Variants in CNTN4 observed in about 807,000 individuals in gnomAD.
CNTN4 encodes the protein contactin 4.
Under a neutral mutation model 122.5 loss-of-function variants are expected in CNTN4, and 77 were observed. The observed-to-expected ratio is 0.63, with a 90% CI of 0.52 to 0.76. CNTN4 has a LOEUF of 0.76. Ranked by LOEUF, CNTN4 falls within the 30% of genes least tolerant of loss-of-function variation. The pLI is 0.00. For missense variants in CNTN4, 1,256 were observed against 1,259.1 expected (o/e 1.00, Z 0.04); for synonymous variants, 512 against 447.0 (o/e 1.15, Z -1.83).
At chr3:2,977,113 C>G (rs990591766) in intron 13 of CNTN4, among the ~76,000 whole-genome samples, 1 of 152,214 alleles carries the variant, frequency 6.6e-6, no homozygotes, top group African/African-American at 2.4e-5. Context: ...TCTACTCCTT[C>G]TACATTGTGA....
At chr3:2,145,287 C>G (rs1310157610) in intron 2 of CNTN4, among the ~76,000 whole-genome samples, 1 of 152,136 alleles carries the variant, frequency 6.6e-6, no homozygotes, top group Non-Finnish European at 1.5e-5. Context: ...ATAAAGCAGT[C>G]CACACATTTA....
intron 6 of CNTN4, among the ~76,000 whole-genome samples, chr3:2,781,977 C>A (rs1415638126): frequency 6.6e-6 from 1 of 151,370 alleles, no homozygotes; most frequent in Non-Finnish European, 1.5e-5. Flanking sequence ...CCCGCCTCGG[C>A]CTCCCAAAGT....
chr3:2,277,724 C>T (rs1559405782), intron 2 of CNTN4, among the ~76,000 whole-genome samples: 1 of 152,088 alleles, frequency 6.6e-6, no homozygotes, highest in Admixed American at 6.6e-5. Flanking sequence ...CCTGGTTTGT[C>T]CTTTTGTCAC....
intron 2 of CNTN4, among the ~76,000 whole-genome samples, chr3:2,164,068 A>G (rs1193973344): frequency 1.3e-5 from 2 of 152,170 alleles, no homozygotes; most frequent in Non-Finnish European, 2.9e-5. Context: ...CATGTTGGGT[A>G]CAATGTACAC....
intron 4 of CNTN4, among the ~76,000 whole-genome samples, chr3:2,701,736 T>C (rs77236211): frequency 0.039 from 5,992 of 152,216 alleles, 415 homozygotes; most frequent in African/African-American, 0.13. Context: ...ACTCTGAGCT[T>C]TAAGCCCTCA....
intron 2 of CNTN4, among the ~76,000 whole-genome samples, chr3:2,212,374 G>T (rs967098156): frequency 1.3e-5 from 2 of 152,142 alleles, no homozygotes; most frequent in East Asian, 3.9e-4. Flanking sequence ...CTGGGTAACT[G>T]ACAAAGGAAA....
rs139337672 is a variant in CNTN4 at position 2,967,299 on chromosome 3, A to G, written c.1359-21046A>G. On this transcript the variant is annotated intron_variant, in intron 13 of 24. Transcript: ENST00000418658. ...GGTGGACCCAGCTGATCCACTGAGT[A>G]CAGGGTGTGCAAAATATCTCAAGCA... Among the ~76,000 whole-genome samples, 364 of 152,274 alleles carry G rather than the reference A, an allele frequency of 2.4e-3. 3 individuals are homozygous for G. Among genetic ancestry groups the G allele is most frequent in the African/African-American group, 8.4e-3 (350 of 41,562 alleles).
chr3:2,854,976 A>G (rs1006236313), intron 7 of CNTN4, among the ~76,000 whole-genome samples: 1 of 152,232 alleles, frequency 6.6e-6, no homozygotes, highest in African/African-American at 2.4e-5. Flanking sequence ...TCTATTAATT[A>G]TGATTTGTCC....
intron 2 of CNTN4, among the ~76,000 whole-genome samples, chr3:2,142,110 T>G (rs1049904953): frequency 6.6e-6 from 1 of 152,224 alleles, no homozygotes; most frequent in African/African-American, 2.4e-5. Flanking sequence ...GGACACTGCT[T>G]TGGTTTAGCA....
chr3:2,306,894 T>A (rs925452306), intron 2 of CNTN4, among the ~76,000 whole-genome samples: 4 of 133,792 alleles, frequency 3.0e-5, no homozygotes, highest in Non-Finnish European at 4.6e-5. Context: ...TTAAATGAAA[T>A]TTTTTTATTT....
At chr3:2,153,329 A>G (rs2035575269) in intron 2 of CNTN4, among the ~76,000 whole-genome samples, 1 of 152,078 alleles carries the variant, frequency 6.6e-6, no homozygotes, top group Non-Finnish European at 1.5e-5. Flanking sequence ...ACCCATGAGG[A>G]GGAAGGAAAA....
chr3:2,896,729 G>T lies in CNTN4; in HGVS notation c.941-3956G>T, dbSNP rs543461534. Reference sequence around the variant, plus strand: ...TCCCAGGCAGGAGATAGAGATTTGGGAAGCATCTATGTATATAGGTGGTAA... The same window carrying T: ...TCCCAGGCAGGAGATAGAGATTTGGTAAGCATCTATGTATATAGGTGGTAA... On this transcript the variant is annotated intron_variant, in intron 10 of 24. Coordinates refer to ENST00000418658, the MANE Select transcript of CNTN4 (RefSeq NM_175607.3). Among the ~76,000 whole-genome samples, 4 of 152,188 alleles carry T rather than the reference G, an allele frequency of 2.6e-5. No individual in the cohort carries two copies. The South Asian group carries it at 8.3e-4, about 32-fold the overall frequency.
chr3:2,488,446 GAGTGT>G (rs2076224845), intron 3 of CNTN4, among the ~76,000 whole-genome samples: 1 of 152,142 alleles, frequency 6.6e-6, no homozygotes, highest in African/African-American at 2.4e-5. Context: ...CAGTGTGAGT[GAGTGT>G]TGGGGGGTGT....
intron 23 of CNTN4, among the ~76,000 whole-genome samples, chr3:3,048,500 C>G (rs925916302): frequency 7.9e-6 from 1 of 127,200 alleles, no homozygotes; most frequent in African/African-American, 3.1e-5. Flanking sequence ...AACTCTCTCT[C>G]TTTCTCTCTC....
chr3:2,882,587 C>A (rs2093925410), intron 8 of CNTN4, among the ~76,000 whole-genome samples: 1 of 151,954 alleles, frequency 6.6e-6, no homozygotes, highest in Admixed American at 6.6e-5. Flanking sequence ...ATTCTTTTTT[C>A]ACAGGTCCAA....
chr3:2,532,677 T>G (rs1423794907), intron 3 of CNTN4, among the ~76,000 whole-genome samples: 1 of 152,158 alleles, frequency 6.6e-6, no homozygotes, highest in East Asian at 1.9e-4. Context: ...ATTTACCAAT[T>G]ATTAGTGAAA....
intron 3 of CNTN4, among the ~76,000 whole-genome samples, chr3:2,358,848 A>T (rs959403842): frequency 6.6e-6 from 1 of 152,172 alleles, no homozygotes; most frequent in Non-Finnish European, 1.5e-5. Context: ...AGTTCCTTTT[A>T]TAAAATACCA....
chr3:2,843,635 A>T (rs1207662523), intron 7 of CNTN4, among the ~76,000 whole-genome samples: 1 of 152,086 alleles, frequency 6.6e-6, no homozygotes, highest in East Asian at 1.9e-4. Flanking sequence ...CTGATTGTTT[A>T]AAAGTATGTG....
intron 2 of CNTN4, among the ~76,000 whole-genome samples, chr3:2,105,162 G>C (rs1322374935): frequency 6.6e-6 from 1 of 152,122 alleles, no homozygotes. Context: ...AAGGAGATTA[G>C]AACCAGGGAG....
Sources: gnomAD v4.1 joint callset for allele counts (sites outside exome capture counted in the v4.1 genomes callset) on GRCh38, gnomAD v4.1.1 for gene constraint, MANE v1.5 for transcripts, NCBI Gene and HGNC (gene_info 2026-07-23, HGNC 2026-07-21) for gene names.